LRRC27: variants seen among roughly 807,000 people sequenced by gnomAD.
LRRC27 encodes the protein leucine-rich repeat-containing protein 27.
In LRRC27, 57 loss-of-function variants were observed where a neutral mutation model predicts 55.0. The ratio of observed to expected loss-of-function variants is 1.04; its 90% CI spans 0.84 to 1.29. The LOEUF (loss-of-function observed/expected upper bound fraction) is 1.29. LRRC27 is among the 50% of genes most tolerant of loss of function. LRRC27 has a pLI of 0.00. For synonymous variants in LRRC27, 278 were observed against 251.9 expected (o/e 1.10, Z -0.98); for missense variants, 721 against 651.5 (o/e 1.11, Z -1.16).
At chr10:132,356,044 GA>G (rs2068297134) in intron 8 of LRRC27, among the ~76,000 whole-genome samples, 158 bp downstream of exon 8, 2 of 152,160 alleles carry the variant, frequency 1.3e-5, no homozygotes, top group Non-Finnish European at 2.9e-5. Flanking sequence ...GAGACTTGGG[GA>G]GGAAGCTGCC....
intron 10 of LRRC27, among the ~76,000 whole-genome samples, chr10:132,369,652 ACC>A (rs1168896299): frequency 6.6e-6 from 1 of 151,994 alleles, no homozygotes; most frequent in Non-Finnish European, 1.5e-5. Flanking sequence ...GTTTGTCTAA[ACC>A]CCACAGACTG....
intron 2 of LRRC27, chr10:132,336,907 T>C (rs1443398752): frequency 1.5e-6 from 1 of 668,514 alleles, no homozygotes; most frequent in African/African-American, 1.9e-5. Flanking sequence ...GACTGTAAAA[T>C]TGTGTGAATG....
At chr10:132,354,353 C>A (rs372720829) in intron 7 of LRRC27, among the ~76,000 whole-genome samples, 7 of 152,334 alleles carry the variant, frequency 4.6e-5, no homozygotes, top group African/African-American at 1.7e-4. Flanking sequence ...CTTCACATCA[C>A]CCTGTGGACA....
intron 3 of LRRC27, among the ~76,000 whole-genome samples, chr10:132,341,705 T>C (rs1274940633): frequency 6.6e-6 from 1 of 152,170 alleles, no homozygotes; most frequent in Non-Finnish European, 1.5e-5. Context: ...GCGGTGGAAG[T>C]CTCTCAAACA....
chr10:132,365,497 C>T lies in LRRC27; in HGVS notation c.1363C>T (p.His455Tyr). The T allele has an allele frequency of 3.1e-6, 5 of 1,613,638 alleles. No homozygotes were observed. Among genetic ancestry groups the T allele is most frequent in the Non-Finnish European group, 4.2e-6 (5 of 1,179,974 alleles). The change falls in exon 10 of 11, where the codon CAT becomes TAT. Residue 455 changes from histidine to tyrosine, a missense_variant. Transcript: ENST00000368614. ...VLQMREQRRF[H>Y]GQAPLEEMRK... Reference sequence around the variant, plus strand: ...CCAAATGCGTGAGCAAAGAAGATTCCATGGCCAGGCCCCACTGGAGGAGAT... The same window carrying T: ...CCAAATGCGTGAGCAAAGAAGATTCTATGGCCAGGCCCCACTGGAGGAGAT...
intron 8 of LRRC27, among the ~76,000 whole-genome samples, chr10:132,356,308 C>T (rs2068310840): frequency 1.3e-5 from 2 of 152,266 alleles, no homozygotes; most frequent in African/African-American, 4.8e-5. Context: ...CTGGGCTCCT[C>T]ACCCTTGGTC....
intron 9 of LRRC27, among the ~76,000 whole-genome samples, chr10:132,362,225 C>T (rs957782455): frequency 6.6e-6 from 1 of 152,162 alleles, no homozygotes; most frequent in Non-Finnish European, 1.5e-5. Context: ...GGTTGTCATC[C>T]CCGGGAAAGG....
chr10:132,346,748 T>A (rs183811558), intron 5 of LRRC27, among the ~76,000 whole-genome samples: 2 of 152,378 alleles, frequency 1.3e-5, no homozygotes, highest in Admixed American at 6.5e-5. Context: ...TTCAGTTTTG[T>A]CCCTGGCCCT....
chr10:132,379,561 T>C lies in LRRC27; in HGVS notation c.*4319T>C, dbSNP rs1246135655. 1 of 152,262 alleles carries C rather than the reference T, an allele frequency of 6.6e-6. No individual in the cohort carries two copies. Among genetic ancestry groups the C allele is most frequent in the Non-Finnish European group, 1.5e-5 (1 of 68,062 alleles). The allele number at this position is 152,262 out of a possible 1,614,324, so 9.4% of individuals were successfully genotyped here. A position where few individuals can be genotyped will look rare whatever the true frequency, so the allele number is the denominator to read the frequency against. ...TTTTCCACTAGATCCTTTTACATCA[T>C]CATTATAATGATTTTTTTTTAATAA... is the stretch of plus-strand genomic sequence containing the variant. On this transcript the variant is annotated 3_prime_UTR_variant, in exon 11 of 11. Coordinates refer to ENST00000368614, the MANE Select transcript of LRRC27 (RefSeq NM_030626.3).
intron 10 of LRRC27, among the ~76,000 whole-genome samples, chr10:132,371,744 G>A (rs1590737064): frequency 6.6e-6 from 1 of 152,360 alleles, no homozygotes; most frequent in Admixed American, 6.5e-5. Flanking sequence ...AACTTCCTGA[G>A]CTTTGTCCCC....
At chr10:132,373,464 G>A (rs527883266) in intron 10 of LRRC27, among the ~76,000 whole-genome samples, 3 of 152,282 alleles carry the variant, frequency 2.0e-5, no homozygotes, top group East Asian at 1.9e-4. Context: ...CAGGGAGGGC[G>A]GGGGGAGAGG....
chr10:132,350,059 G>C (rs1444834332), intron 6 of LRRC27, among the ~76,000 whole-genome samples: 2 of 152,202 alleles, frequency 1.3e-5, no homozygotes, highest in Non-Finnish European at 1.5e-5. Flanking sequence ...GCTCCTCTGT[G>C]TTCTCTGGCC....
At chr10:132,351,798 C>T in intron 7 of LRRC27, 45 bp downstream of exon 7, 1 of 1,561,362 alleles carries the variant, frequency 6.4e-7, no homozygotes, top group Non-Finnish European at 8.7e-7. Context: ...GCCCAGTGCA[C>T]CCGGAACTGG....
chr10:132,351,795 G>T lies in LRRC27; in HGVS notation c.1073+42G>T, dbSNP rs760271076. On this transcript the variant is annotated intron_variant, in intron 7 of 10. Coordinates refer to ENST00000368614, the MANE Select transcript of LRRC27 (RefSeq NM_030626.3). ...TGGGGGTCCGCACAGCCCGCCCAGT[G>T]CACCCGGAACTGGGACTGGGCTGTG... 6 of 1,566,514 alleles carry T rather than the reference G, an allele frequency of 3.8e-6. No individual in the cohort carries two copies. The South Asian group carries it at 6.9e-5, about 18-fold the overall frequency.
rs1158107902 is a variant in LRRC27 at position 132,379,046 on chromosome 10, C to G, written c.*3804C>G. 6 of 132,670 alleles carry G rather than the reference C, an allele frequency of 4.5e-5. No individual in the cohort carries two copies. In the East Asian group the frequency reaches 9.3e-4, roughly 21 times the overall value. 8.2% of individuals were successfully genotyped at this position (132,670 alleles called of 1,614,324 possible). On this transcript the variant is annotated 3_prime_UTR_variant, in exon 11 of 11. Coordinates refer to ENST00000368614, the MANE Select transcript of LRRC27 (RefSeq NM_030626.3). ...TCTCGGGGAGTGCGTGGTGTCAGATCCCATCCTGCTCATCTCCAGCATTTC... is the reference window on the plus strand; with the variant it reads ...TCTCGGGGAGTGCGTGGTGTCAGATGCCATCCTGCTCATCTCCAGCATTTC...
chr10:132,364,483 ACACTTACACCCACC>A (rs1564853647), intron 9 of LRRC27, among the ~76,000 whole-genome samples: 147 of 1,820 alleles, frequency 0.081, 1 homozygote, highest in Middle Eastern at 0.17. Context: ...ACACCCACCC[ACACTTACACCCACC>A]CTTACATCTA....
At chr10:132,357,931 G>A (rs2068380218) in intron 8 of LRRC27, among the ~76,000 whole-genome samples, 1 of 152,146 alleles carries the variant, frequency 6.6e-6, no homozygotes, top group Non-Finnish European at 1.5e-5. Flanking sequence ...CTGCTGTTCT[G>A]CGCACCCCAC....
intron 10 of LRRC27, chr10:132,366,574 G>C (rs1435110573): frequency 6.1e-6 from 1 of 163,972 alleles, no homozygotes; most frequent in Non-Finnish European, 1.3e-5. Context: ...TGCTGTCCCT[G>C]GCAGTGAACC....
chr10:132,345,140 T>G (rs1250491911), intron 5 of LRRC27, among the ~76,000 whole-genome samples: 1 of 152,232 alleles, frequency 6.6e-6, no homozygotes, highest in African/African-American at 2.4e-5. Context: ...CCAGGTATTT[T>G]CAGATGCTCA....
Sources: gnomAD v4.1 joint callset for allele counts (sites outside exome capture counted in the v4.1 genomes callset) on GRCh38, gnomAD v4.1.1 for gene constraint, MANE v1.5 for transcripts, NCBI Gene and HGNC (gene_info 2026-07-23, HGNC 2026-07-21) for gene names.